The following MINPP1 variants were observed in gnomAD, a reference collection of about 807,000 sequenced individuals.
The protein encoded by MINPP1 is multiple inositol polyphosphate phosphatase 1.
In MINPP1, 28 loss-of-function variants were observed where a neutral mutation model predicts 46.1. That is an observed-to-expected ratio of 0.61 (90% CI 0.45 to 0.83). The LOEUF (loss-of-function observed/expected upper bound fraction) is 0.83. Among genes scored for constraint, MINPP1 ranks in the 40% least tolerant of loss-of-function variants. MINPP1 has a pLI of 0.00. For synonymous variants in MINPP1, 268 were observed against 249.1 expected, an observed-to-expected ratio of 1.08 and a Z score of -0.72; for missense variants, 603 against 610.0, an observed-to-expected ratio of 0.99 and a Z score of 0.12.
At position 87,520,570 on chromosome 10, in the gene MINPP1, T is replaced by G. The variant is rs571826802; in HGVS notation, c.934-466T>G. 5.6e-4 allele frequency among the ~76,000 whole-genome samples: 85 copies of G among 152,308 alleles called. 1 individual carries two copies. The highest frequency in any genetic ancestry group is 2.6e-3 in the Admixed American group (40 of 15,292). ...TTTGACTTCTACCTTCTCAAAATTC[T>G]TATACATTTCTCATCCACCTATGGT... On this transcript the variant is annotated intron_variant, in intron 3 of 4. Coordinates refer to ENST00000371996, the MANE Select transcript of MINPP1 (RefSeq NM_004897.5).
intron 4 of MINPP1, among the ~76,000 whole-genome samples, chr10:87,523,109 G>A (rs1298863438): frequency 1.3e-5 from 2 of 152,116 alleles, no homozygotes; most frequent in Non-Finnish European, 2.9e-5. Context: ...CACCACATCT[G>A]CAGCTACTTC....
At position 87,508,327 on chromosome 10, in the gene MINPP1, C is replaced by G. The variant is rs1355313368; in HGVS notation, c.638-9C>G. On this transcript the variant is annotated splice_polypyrimidine_tract_variant and intron_variant, in intron 1 of 4. Coordinates refer to ENST00000371996, the MANE Select transcript of MINPP1 (RefSeq NM_004897.5). Reference sequence around the variant, plus strand: ...TTTACAAATACATATAAATTTTTTTCTCTTTCAGATATGGAGTTTGGACCT... The same window carrying G: ...TTTACAAATACATATAAATTTTTTTGTCTTTCAGATATGGAGTTTGGACCT... 1.2e-6 allele frequency: 2 copies of G among 1,611,766 alleles called. No individual in the cohort carries two copies. The highest frequency in any genetic ancestry group is 2.2e-5 in the South Asian group (2 of 90,628).
intron 4 of MINPP1, among the ~76,000 whole-genome samples, chr10:87,539,609 A>G (rs898269172): frequency 1.3e-5 from 2 of 152,258 alleles, no homozygotes; most frequent in African/African-American, 2.4e-5. Context: ...AATATGGGAC[A>G]GAATTATAGA....
At chr10:87,506,881 C>T (rs1050410067) in intron 1 of MINPP1, among the ~76,000 whole-genome samples, 1 of 152,136 alleles carries the variant, frequency 6.6e-6, no homozygotes, top group Non-Finnish European at 1.5e-5. Context: ...ATTCAGTTAG[C>T]TGACTTGTGT....
At chr10:87,545,811 AT>A (rs140622109) in intron 4 of MINPP1, among the ~76,000 whole-genome samples, 2,428 of 152,270 alleles carry the variant, frequency 0.016, 66 homozygotes, top group African/African-American at 0.055. Flanking sequence ...CTGATTGGAG[AT>A]TTGGCCCAGA....
At position 87,505,248 on chromosome 10, in the gene MINPP1, C is replaced by T. The variant is rs776614132; in HGVS notation, c.333C>T (p.Ala111=). 1.2e-5 allele frequency: 20 copies of T among 1,612,450 alleles called. No individual in the cohort carries two copies. Among genetic ancestry groups the T allele is most frequent in the South Asian group, 2.2e-5 (2 of 90,980 alleles). Residue 111 remains alanine, a synonymous_variant, in exon 1 of 5, where the codon GCC becomes GCT. Coordinates refer to ENST00000371996, the MANE Select transcript of MINPP1 (RefSeq NM_004897.5). The surrounding 1 kb of genome is among the most constrained non-coding windows in gnomAD (Gnocchi z 4.4). ...KLRQLHGLLQ[A]RGSRDGGASS... is the part of the protein sequence containing the mutation. ...GGCAGCTGCACGGGTTGCTGCAGGC[C>T]CGCGGGTCCAGGGATGGCGGGGCTA...
At chr10:87,516,187 A>G (rs1472561969) in intron 3 of MINPP1, among the ~76,000 whole-genome samples, 1 of 104,108 alleles carries the variant, frequency 9.6e-6, no homozygotes, top group African/African-American at 2.9e-5. Context: ...AGATAATTAG[A>G]TATCCTGGAC....
chr10:87,545,064 A>G lies in MINPP1; in HGVS notation c.1068-7018A>G, dbSNP rs145809051. Among the ~76,000 whole-genome samples the G allele has an allele frequency of 2.4e-4, 36 of 152,338 alleles. 1 individual carries two copies. Among genetic ancestry groups the G allele is most frequent in the African/African-American group, 8.2e-4 (34 of 41,582 alleles). ...TGTTTTTGAAATGGGAAAATCAAGA[A>G]TAAAGTCAGATTTTAAAAATTGTAT... On this transcript the variant is annotated intron_variant, in intron 4 of 4. Transcript: ENST00000371996.
intron 4 of MINPP1, among the ~76,000 whole-genome samples, chr10:87,540,269 A>G (rs1459187544): frequency 1.3e-5 from 2 of 152,258 alleles, no homozygotes; most frequent in African/African-American, 4.8e-5. Context: ...ACATGAGACC[A>G]TAGATAAAAT....
chr10:87,512,962 C>T (rs1851357062), intron 2 of MINPP1, among the ~76,000 whole-genome samples, 162 bp from the exon 3 acceptor site: 1 of 152,202 alleles, frequency 6.6e-6, no homozygotes, highest in Non-Finnish European at 1.5e-5. Context: ...GAGAAAGTCT[C>T]TTAATTCTTT....
chr10:87,513,210 G>C lies in MINPP1; in HGVS notation c.922G>C (p.Asp308His), dbSNP rs757976821. 6.2e-7 allele frequency: 1 copy of C among 1,612,384 alleles called. No homozygotes were observed. Residue 308 changes from aspartate to histidine, a missense_variant, in exon 3 of 5, where the codon GAT becomes CAT. By Grantham distance (81) the Asp-to-His change is moderately conservative. Around this residue, in one of 3 missense-constraint regions of MINPP1, gnomAD observed 344 missense variants for 381.1 expected, o/e 0.90. Transcript: ENST00000371996. ...TCCTTGGTGTGATGTTTTTGACATA[G>C]ATGATGCAAAGGTAAGTATTATTTT... ...KSPWCDVFDI[D>H]DAKVLEYLND...
chr10:87,505,680 T>C lies in MINPP1; in HGVS notation c.637+128T>C, dbSNP rs1851236474. On this transcript the variant is annotated intron_variant, in intron 1 of 4. Transcript: ENST00000371996. This position sits in a 1 kb window ranked among gnomAD's most constrained non-coding sequence, Gnocchi z 4.4. ...TCTTTCCTCTTTTCCCAAGCCATCATCCCTCGGGCTACGTCCTCCCTGTCG... is the reference window on the plus strand; with the variant it reads ...TCTTTCCTCTTTTCCCAAGCCATCACCCCTCGGGCTACGTCCTCCCTGTCG... 3.5e-6 allele frequency: 3 copies of C among 855,236 alleles called. No individual in the cohort carries two copies. The East Asian group carries it at 8.1e-5, about 23-fold the overall frequency. 53.0% of individuals were successfully genotyped at this position (855,236 alleles called of 1,614,324 possible).
intron 2 of MINPP1, among the ~76,000 whole-genome samples, chr10:87,511,356 G>C (rs1851331855): frequency 6.6e-6 from 1 of 151,932 alleles, no homozygotes. Flanking sequence ...GTTGTATTTT[G>C]TCTAGGAATC....
intron 4 of MINPP1, among the ~76,000 whole-genome samples, chr10:87,537,279 A>G (rs1452799201): frequency 2.6e-5 from 4 of 152,112 alleles, no homozygotes; most frequent in Non-Finnish European, 2.9e-5. Flanking sequence ...TTTCCCACCA[A>G]TGTATGAGAG....
At chr10:87,542,320 T>C (rs969328890) in intron 4 of MINPP1, among the ~76,000 whole-genome samples, 2 of 151,560 alleles carry the variant, frequency 1.3e-5, no homozygotes, top group Non-Finnish European at 2.9e-5. Flanking sequence ...TCTCTCTCTT[T>C]TTTTTTTTAA....
chr10:87,508,343 G>T lies in MINPP1; in HGVS notation c.645G>T (p.Glu215Asp), dbSNP rs202158684. ...AATTTTTTTCTCTTTCAGATATGGA[G>T]TTTGGACCTCCAACAGTTAATGATA... ...GLPPPDVADM[E>D]FGPPTVNDKL... The change falls in exon 2 of 5, where the codon GAG becomes GAT. Residue 215 changes from glutamate (E) to aspartate (D), a missense_variant. Physicochemically the swap from Glu to Asp is conservative, Grantham distance 45. This residue lies in a region of MINPP1 where 344 missense variants were observed against 381.1 expected (regional missense o/e 0.90). Transcript: ENST00000371996. 1 of 1,613,046 alleles carries T rather than the reference G, an allele frequency of 6.2e-7. No homozygotes were observed. The highest frequency in any genetic ancestry group is 2.2e-5 in the East Asian group (1 of 44,810).
At chr10:87,543,999 C>T (rs935540660) in intron 4 of MINPP1, among the ~76,000 whole-genome samples, 1 of 152,206 alleles carries the variant, frequency 6.6e-6, no homozygotes, top group African/African-American at 2.4e-5. Flanking sequence ...AAGCAGCAGA[C>T]ACCAGCTAGG....
chr10:87,524,565 T>C (rs7070053), intron 4 of MINPP1, among the ~76,000 whole-genome samples: 4,310 of 152,344 alleles, frequency 0.028, 201 homozygotes, highest in African/African-American at 0.093. Context: ...AGAGACCTAG[T>C]TTTTGGCCTG....
intron 4 of MINPP1, among the ~76,000 whole-genome samples, chr10:87,530,235 G>A (rs1716316360): frequency 6.6e-6 from 1 of 152,200 alleles, no homozygotes; most frequent in Non-Finnish European, 1.5e-5. Context: ...TCTCCGTCCA[G>A]CTTTGTTCCA....
Sources: gnomAD v4.1 joint callset for allele counts (sites outside exome capture counted in the v4.1 genomes callset) on GRCh38, gnomAD v4.1.1 for gene constraint, gnomAD v4.1.1 regional missense constraint, Gnocchi (gnomAD v3.1) non-coding constraint, MANE v1.5 for transcripts, NCBI Gene and HGNC (gene_info 2026-07-23, HGNC 2026-07-21) for gene names.